The following SPAG16 variants were observed in gnomAD, a reference collection of about 807,000 sequenced individuals.
The protein encoded by SPAG16 is sperm-associated antigen 16 protein.
A neutral mutation model predicts 80.4 loss-of-function variants in SPAG16; 86 were observed. The observed-to-expected ratio is 1.07, with a 90% CI of 0.90 to 1.28. The LOEUF is 1.28. Ranked by LOEUF, SPAG16 falls within the 50% of genes most tolerant of loss-of-function variation. The pLI, the probability that SPAG16 is intolerant of heterozygous loss-of-function variation, is 0.00. For synonymous variants in SPAG16, 294 were observed against 265.9 expected, an observed-to-expected ratio of 1.11 and a Z score of -1.03; for missense variants, 870 against 765.3, an observed-to-expected ratio of 1.14 and a Z score of -1.61.
At chr2:213,927,650 A>T (rs2078546151) in intron 11 of SPAG16, among the ~76,000 whole-genome samples, 1 of 152,344 alleles carries the variant, frequency 6.6e-6, no homozygotes, top group East Asian at 1.9e-4. Context: ...TATCAGTTAC[A>T]GCACTCACAA....
chr2:214,120,973 T>C (rs556222605), intron 14 of SPAG16, among the ~76,000 whole-genome samples: 1 of 151,948 alleles, frequency 6.6e-6, no homozygotes, highest in South Asian at 2.1e-4. Flanking sequence ...CACTGATTCC[T>C]TTCTCCATTA....
chr2:213,822,281 T>C (rs1176679541), intron 10 of SPAG16, among the ~76,000 whole-genome samples: 1 of 152,208 alleles, frequency 6.6e-6, no homozygotes, highest in Non-Finnish European at 1.5e-5. Context: ...AGTTTTGATG[T>C]GCATTTCATC....
intron 9 of SPAG16, chr2:213,422,328 C>T (rs1274408879): frequency 1.4e-6 from 1 of 700,888 alleles, no homozygotes; most frequent in African/African-American, 1.7e-5. Flanking sequence ...TGATCCAGCT[C>T]CAGGCTTACA....
chr2:214,410,046 GA>G (rs1431076302), intron 15 of SPAG16, 93 bp from the exon 16 acceptor site: 477 of 1,407,802 alleles, frequency 3.4e-4, no homozygotes, highest in Non-Finnish European at 4.4e-4. Context: ...AATGATAATT[GA>G]AAAAAATAGA....
intron 13 of SPAG16, among the ~76,000 whole-genome samples, chr2:214,028,307 G>T (rs933222677): frequency 2.0e-5 from 3 of 152,018 alleles, no homozygotes; most frequent in East Asian, 1.9e-4. Flanking sequence ...GAATCACACT[G>T]CTGTCAATGT....
At chr2:214,041,662 G>A (rs1290575857) in intron 13 of SPAG16, among the ~76,000 whole-genome samples, 1 of 151,022 alleles carries the variant, frequency 6.6e-6, no homozygotes, top group Admixed American at 6.6e-5. Flanking sequence ...TTTCCAAAGG[G>A]CACTTATTTC....
At chr2:214,037,272 AT>A (rs1313680562) in intron 13 of SPAG16, among the ~76,000 whole-genome samples, 2 of 151,886 alleles carry the variant, frequency 1.3e-5, no homozygotes, top group African/African-American at 4.8e-5. Flanking sequence ...AATTCTTTAA[AT>A]TTGTTTTGTA....
intron 13 of SPAG16, among the ~76,000 whole-genome samples, chr2:214,102,319 G>C (rs1326359570): frequency 6.6e-6 from 1 of 151,988 alleles, no homozygotes; most frequent in East Asian, 1.9e-4. Context: ...AAGTAATTTT[G>C]TTAATGAGGA....
chr2:213,749,095 C>G (rs1195653647), intron 10 of SPAG16, among the ~76,000 whole-genome samples: 6 of 151,962 alleles, frequency 3.9e-5, no homozygotes, highest in Non-Finnish European at 5.9e-5. Flanking sequence ...TGCAGTGAGC[C>G]GAGATCGCGC....
intron 10 of SPAG16, among the ~76,000 whole-genome samples, chr2:213,778,030 A>C (rs1015456183): frequency 6.6e-6 from 1 of 152,234 alleles, no homozygotes; most frequent in Non-Finnish European, 1.5e-5. Flanking sequence ...CTAGATAATA[A>C]ATTTCTGGAT....
chr2:214,124,220 T>TCTCCAGGGTTTTCTC, intron 14 of SPAG16, among the ~76,000 whole-genome samples: 2 of 150,404 alleles, frequency 1.3e-5, no homozygotes, highest in Admixed American at 1.5e-4. Context: ...CTCCCCATGA[T>TCTCCAGGGTTTTCTC]TGTTTTGAGC....
rs77370777 is a variant in SPAG16 at position 214,313,594 on chromosome 2, T to G, written c.1721-96546T>G. ...CATAAATATTATCTAGTTTGAAAAG[T>G]TTTTATAATTCCTACTAATTAACAT... On this transcript the variant is annotated intron_variant, in intron 15 of 15. Coordinates refer to ENST00000331683, the MANE Select transcript of SPAG16 (RefSeq NM_024532.5). Among the ~76,000 whole-genome samples the G allele has an allele frequency of 4.6e-3, 695 of 152,244 alleles. 4 individuals are homozygous for G. The highest frequency in any genetic ancestry group is 0.016 in the African/African-American group (660 of 41,574).
chr2:214,305,133 T>C (rs764198049), intron 15 of SPAG16, among the ~76,000 whole-genome samples: 3 of 152,244 alleles, frequency 2.0e-5, no homozygotes, highest in Non-Finnish European at 4.4e-5. Flanking sequence ...TCAGTGATGT[T>C]GAACTTTTTT....
chr2:214,029,206 A>G (rs1052476425), intron 13 of SPAG16, among the ~76,000 whole-genome samples: 1 of 151,980 alleles, frequency 6.6e-6, no homozygotes, highest in Non-Finnish European at 1.5e-5. Context: ...GAGAGAGAAA[A>G]CTGCAAGTAC....
chr2:213,823,566 G>T lies in SPAG16; in HGVS notation c.1071-38919G>T, dbSNP rs915142838. On this transcript the variant is annotated intron_variant, in intron 10 of 15. Coordinates refer to ENST00000331683, the MANE Select transcript of SPAG16 (RefSeq NM_024532.5). The stretch of plus-strand genomic sequence containing the variant: ...GTAGAGATAGGGTTTCTCCATGTTT[G>T]TCAGGCTGGTCTCAGACTCCAGACC... Among the ~76,000 whole-genome samples the T allele has an allele frequency of 2.6e-5, 4 of 152,184 alleles. No individual in the cohort carries two copies. The South Asian group carries it at 8.3e-4, about 32-fold the overall frequency.
intron 15 of SPAG16, among the ~76,000 whole-genome samples, chr2:214,294,681 G>A (rs1198678810): frequency 1.3e-5 from 2 of 152,172 alleles, no homozygotes; most frequent in African/African-American, 4.8e-5. Flanking sequence ...CATGAATTTA[G>A]TCATAAGGAC....
At chr2:214,190,444 C>T (rs2057626143) in intron 15 of SPAG16, among the ~76,000 whole-genome samples, 1 of 152,020 alleles carries the variant, frequency 6.6e-6, no homozygotes, top group South Asian at 2.1e-4. Flanking sequence ...ATTGATAGCT[C>T]AAATTATTTT....
chr2:214,299,162 G>A lies in SPAG16; in HGVS notation c.1721-110978G>A, dbSNP rs146514334. On this transcript the variant is annotated intron_variant, in intron 15 of 15. Transcript: ENST00000331683. ...TTATAGTCAGGAATGAATGTACAAT[G>A]TAGTCTAAATAAATTGTAGACAAAT... Among the ~76,000 whole-genome samples, 579 of 151,014 alleles carry A rather than the reference G, an allele frequency of 3.8e-3. 5 individuals carry two copies. The highest frequency in any genetic ancestry group is 0.013 in the African/African-American group (546 of 41,178).
chr2:213,578,107 A>T (rs1183348813), intron 10 of SPAG16, among the ~76,000 whole-genome samples: 1 of 152,130 alleles, frequency 6.6e-6, no homozygotes, highest in Non-Finnish European at 1.5e-5. Context: ...TCAAAAAAAA[A>T]TTAGTGAAAA....
Sources: allele counts gnomAD v4.1 joint callset (sites outside exome capture counted in the v4.1 genomes callset), GRCh38; gene constraint gnomAD v4.1.1; transcripts MANE v1.5; gene names NCBI Gene and HGNC (gene_info 2026-07-23, HGNC 2026-07-21).